PDE10A: variants seen among roughly 807,000 people sequenced by gnomAD.
PDE10A encodes the protein cAMP and cAMP-inhibited cGMP 3',5'-cyclic phosphodiesterase 10A.
Under a neutral mutation model 97.7 loss-of-function variants are expected in PDE10A, and 39 were observed. The ratio of observed to expected loss-of-function variants is 0.40; its 90% confidence interval spans 0.31 to 0.52. The LOEUF (loss-of-function observed/expected upper bound fraction) is 0.52, where lower values mean the gene tolerates loss of function less well. Ranked by LOEUF, PDE10A falls within the 20% of genes least tolerant of loss-of-function variation. The pLI, the probability that PDE10A is intolerant of heterozygous loss-of-function variation, is 0.56. For synonymous variants in PDE10A, 371 were observed against 376.8 expected, an observed-to-expected ratio of 0.98 and a Z score of 0.18; for missense variants, 731 against 1,047.8, an observed-to-expected ratio of 0.70 and a Z score of 4.17.
At chr6:165,916,930 A>G (rs532842861) in intron 1 of PDE10A, among the ~76,000 whole-genome samples, 210 of 152,180 alleles carry the variant, frequency 1.4e-3, no homozygotes, top group Non-Finnish European at 2.6e-3. Context: ...CCCCATGCCA[A>G]TGGGGTTTTC....
At chr6:165,366,902 A>T (rs1783807594) in intron 18 of PDE10A, among the ~76,000 whole-genome samples, 1 of 152,222 alleles carries the variant, frequency 6.6e-6, no homozygotes, top group Admixed American at 6.5e-5. Flanking sequence ...AGAGAAAGAC[A>T]AGAGCATCCA....
At position 165,811,989 on chromosome 6, in the gene PDE10A, A is replaced by G. The variant is rs547078081; in HGVS notation, c.-615+175540T>C. On this transcript the variant is annotated intron_variant, in intron 1 of 19. Coordinates refer to the PDE10A transcript ENST00000366882. ...CCACCTAGCCTCCCGAGTAGCTGGGATTACAGGCACACGCCACCATGCCCG... is the reference window on the plus strand; with the variant it reads ...CCACCTAGCCTCCCGAGTAGCTGGGGTTACAGGCACACGCCACCATGCCCG... 5.3e-5 allele frequency among the ~76,000 whole-genome samples: 8 copies of G among 152,134 alleles called. No homozygotes were observed. In the East Asian group the frequency reaches 1.4e-3, roughly 26 times the overall value.
In PDE10A at chr6:165,928,400, A is replaced by G. The variant is rs888143518; in HGVS notation, c.-615+59129T>C. ...GTCAGTCTTACGTGGTTTCTGCACA[A>G]CCTGCTGGACCCACTCCAGGATCCA... is the stretch of plus-strand genomic sequence containing the variant. On this transcript the variant is annotated intron_variant, in intron 1 of 19. Transcript: ENST00000366882. 4.6e-5 allele frequency among the ~76,000 whole-genome samples: 7 copies of G among 152,260 alleles called. No individual in the cohort carries two copies. The East Asian group carries it at 1.4e-3, about 29-fold the overall frequency.
intron 1 of PDE10A, among the ~76,000 whole-genome samples, chr6:165,929,247 A>G (rs1192634377): frequency 6.6e-6 from 1 of 152,220 alleles, no homozygotes; most frequent in East Asian, 1.9e-4. Context: ...TAAAGCACGC[A>G]GGAGTCCTCG....
At chr6:165,543,324 TAC>T (rs1303882735) in intron 2 of PDE10A, 114 bp downstream of exon 2, 1 of 677,936 alleles carries the variant, frequency 1.5e-6, no homozygotes, top group Non-Finnish European at 2.3e-6. Flanking sequence ...CTGATAGAAT[TAC>T]AGTGTTAATA....
chr6:165,593,149 G>A (rs1786381555), intron 1 of PDE10A, among the ~76,000 whole-genome samples: 1 of 152,182 alleles, frequency 6.6e-6, no homozygotes, highest in Admixed American at 6.5e-5. Context: ...GTCCTTGGCA[G>A]GGACATGGAT....
At chr6:165,730,164 A>C (rs1243181768) in intron 1 of PDE10A, among the ~76,000 whole-genome samples, 2 of 52,990 alleles carry the variant, frequency 3.8e-5, no homozygotes, top group Non-Finnish European at 5.7e-5. Context: ...TCCCCCTTCA[A>C]AAAAAAAAAG....
intron 1 of PDE10A, among the ~76,000 whole-genome samples, chr6:165,918,453 T>G (rs1192958697): frequency 1.3e-5 from 2 of 152,224 alleles, no homozygotes; most frequent in African/African-American, 2.4e-5. Context: ...TATGGGTACT[T>G]AAATGATTGT....
Position 165,663,054 on chromosome 6 carries a change from G to A in PDE10A, c.-243C>T, listed in dbSNP as rs1010429008. ...CGGCGACGGCGCCTGGCTACCCTCA[G>A]GCGCGCACAATCGGCGTCCTCCCGG... On this transcript the variant is annotated 5_prime_UTR_variant, in exon 1 of 22. Coordinates refer to ENST00000539869, the MANE Select transcript of PDE10A (RefSeq NM_001385079.1). 6.6e-6 allele frequency among the ~76,000 whole-genome samples: 1 copy of A among 151,518 alleles called. No homozygotes were observed. The highest frequency in any genetic ancestry group is 1.5e-5 in the Non-Finnish European group (1 of 67,772).
intron 1 of PDE10A, among the ~76,000 whole-genome samples, chr6:165,873,872 A>G (rs903136098): frequency 2.0e-5 from 3 of 152,244 alleles, no homozygotes; most frequent in Non-Finnish European, 4.4e-5. Context: ...TTTTTAAAAA[A>G]TTAATCATTT....
chr6:165,660,879 G>C (rs9457109), intron 1 of PDE10A: 152,310 of 152,310 alleles, frequency 1, 76,155 homozygotes, highest in Non-Finnish European at 1. Flanking sequence ...CCGGAGTCGG[G>C]CGGGGGCCCA....
chr6:165,369,369 C>T (rs1438587984), intron 18 of PDE10A, among the ~76,000 whole-genome samples: 1 of 151,810 alleles, frequency 6.6e-6, no homozygotes, highest in South Asian at 2.1e-4. Flanking sequence ...ATAACCAATA[C>T]AGAGAAGTGA....
chr6:165,485,480 A>AAAT (rs1779859346), intron 2 of PDE10A, among the ~76,000 whole-genome samples: 3 of 151,766 alleles, frequency 2.0e-5, no homozygotes, highest in East Asian at 3.9e-4. Flanking sequence ...AAAAAAAAAA[A>AAAT]AAAAAAGACA....
intron 2 of PDE10A, among the ~76,000 whole-genome samples, chr6:165,533,866 G>C (rs1157237451): frequency 6.6e-6 from 1 of 152,050 alleles, no homozygotes; most frequent in Non-Finnish European, 1.5e-5. Flanking sequence ...ATTTGAATTA[G>C]TTTCATAATC....
chr6:165,941,728 C>T (rs1054585853), intron 1 of PDE10A, among the ~76,000 whole-genome samples: 4 of 152,224 alleles, frequency 2.6e-5, no homozygotes, highest in African/African-American at 9.7e-5. Flanking sequence ...TCCCTAAAAA[C>T]TGAACAGATG....
chr6:165,413,579 G>C lies in PDE10A; in HGVS notation c.1998C>G (p.Gly666=). ...GVVQMVNKIS[G]SAFSKTDENN... is the part of the protein sequence containing the mutation. ...TTTCATCTGTTTTAGAGAAGGCACT[G>C]CCACTGATTTTGTTGACCATCTGCA... Residue 666 remains glycine, a synonymous_variant, in exon 13 of 22, where the codon GGC becomes GGG. Transcript: ENST00000539869. 6.2e-7 allele frequency: 1 copy of C among 1,614,044 alleles called. No individual in the cohort carries two copies. Among genetic ancestry groups the C allele is most frequent in the Non-Finnish European group, 8.5e-7 (1 of 1,179,880 alleles).
intron 1 of PDE10A, among the ~76,000 whole-genome samples, chr6:165,840,410 T>G (rs973106460): frequency 3.3e-5 from 5 of 152,226 alleles, no homozygotes; most frequent in African/African-American, 7.2e-5. Context: ...ATTCTAGAGC[T>G]GATCCATTTT....
rs12212271 is a variant in PDE10A at position 165,958,559 on chromosome 6, A to G, written c.-615+28970T>C. Among the ~76,000 whole-genome samples the G allele has an allele frequency of 8.7e-3, 294 of 33,930 alleles. 15 individuals carry two copies. Among genetic ancestry groups the G allele is most frequent in the African/African-American group, 0.026 (238 of 9,232 alleles). 22.3% of individuals were successfully genotyped at this position (33,930 alleles called of 152,430 possible). On this transcript the variant is annotated intron_variant, in intron 1 of 19. Coordinates refer to the PDE10A transcript ENST00000366882. Reference sequence around the variant, plus strand: ...AAAGAAAGAAAGAAAGAAAGAAAGAAAGAAAGACAGACAGAAAGAAAGACA... The same window carrying G: ...AAAGAAAGAAAGAAAGAAAGAAAGAGAGAAAGACAGACAGAAAGAAAGACA...
intron 2 of PDE10A, among the ~76,000 whole-genome samples, chr6:165,505,215 A>C (rs1339942461): frequency 6.6e-6 from 1 of 152,228 alleles, no homozygotes; most frequent in Non-Finnish European, 1.5e-5. Context: ...TTTATTAGTA[A>C]AAATTTACTT....
Sources: gnomAD v4.1 joint callset for allele counts (sites outside exome capture counted in the v4.1 genomes callset) on GRCh38, gnomAD v4.1.1 for gene constraint, MANE v1.5 for transcripts, NCBI Gene and HGNC (gene_info 2026-07-23, HGNC 2026-07-21) for gene names.